Variants in TBX20 observed in about 807,000 individuals in gnomAD.
TBX20 encodes the protein T-box transcription factor TBX20.
Under a neutral mutation model 42.9 loss-of-function variants are expected in TBX20, and 8 were observed. The observed-to-expected ratio is 0.19, with a 90% CI of 0.11 to 0.34. The LOEUF (loss-of-function observed/expected upper bound fraction) is 0.34, where lower values mean the gene tolerates loss of function less well. TBX20 is among the 10% of genes least tolerant of loss of function. The pLI, the probability that TBX20 is intolerant of heterozygous loss-of-function variation, is 1.00. For synonymous variants in TBX20, 198 were observed against 222.8 expected, an observed-to-expected ratio of 0.89 and a Z score of 0.99; for missense variants, 411 against 566.0, an observed-to-expected ratio of 0.73 and a Z score of 2.78.
intron 5 of TBX20, among the ~76,000 whole-genome samples, chr7:35,239,120 C>CA (rs1402738796): frequency 1.3e-5 from 2 of 152,016 alleles, no homozygotes; most frequent in Non-Finnish European, 1.5e-5. Flanking sequence ...GAAATCTACT[C>CA]AAAGTTGTAT....
In TBX20 at chr7:35,225,255, C is replaced by T. The variant is rs1195876191; in HGVS notation, c.890+6249G>A. Reference sequence around the variant, plus strand: ...CTCCAAAAATCTCTCTAGTGTTTTCCAATAAAAATGTAATGTGAGTCACAT... The same window carrying T: ...CTCCAAAAATCTCTCTAGTGTTTTCTAATAAAAATGTAATGTGAGTCACAT... On this transcript the variant is annotated intron_variant, in intron 6 of 7. Transcript: ENST00000408931. Among the ~76,000 whole-genome samples, 7 of 151,794 alleles carry T rather than the reference C, an allele frequency of 4.6e-5. No individual in the cohort carries two copies. In the East Asian group the frequency reaches 1.3e-3, roughly 29 times the overall value.
At chr7:35,204,818 T>TC (rs988745893) in intron 6 of TBX20, among the ~76,000 whole-genome samples, 1 of 151,948 alleles carries the variant, frequency 6.6e-6, no homozygotes, top group African/African-American at 2.4e-5. Context: ...ACAAGGACAA[T>TC]CCCCTGAAAT....
chr7:35,213,877 C>CAGA (rs1789537672), intron 6 of TBX20, among the ~76,000 whole-genome samples: 1 of 59,772 alleles, frequency 1.7e-5, no homozygotes, highest in Non-Finnish European at 3.0e-5. Context: ...GCAGAGATAG[C>CAGA]AAAAAAAAAA....
At chr7:35,229,363 T>A (rs1393260804) in intron 6 of TBX20, among the ~76,000 whole-genome samples, 1 of 152,124 alleles carries the variant, frequency 6.6e-6, no homozygotes, top group African/African-American at 2.4e-5. Flanking sequence ...TTTCTTTAGG[T>A]CTCTAAAGAT....
intron 6 of TBX20, among the ~76,000 whole-genome samples, chr7:35,207,292 T>C (rs946837297): frequency 5.3e-5 from 8 of 152,228 alleles, no homozygotes; most frequent in African/African-American, 1.9e-4. Context: ...CTGTGCTTAT[T>C]TGCTTCCATA....
At chr7:35,239,202 T>A (rs1050666799) in intron 5 of TBX20, among the ~76,000 whole-genome samples, 3 of 152,176 alleles carry the variant, frequency 2.0e-5, no homozygotes, top group African/African-American at 7.2e-5. Flanking sequence ...TCCAGGCTTC[T>A]ACTACCTCAT....
At chr7:35,224,809 A>G (rs1438444340) in intron 6 of TBX20, among the ~76,000 whole-genome samples, 1 of 152,188 alleles carries the variant, frequency 6.6e-6, no homozygotes, top group Non-Finnish European at 1.5e-5. Flanking sequence ...TATAAATTCA[A>G]TTAATGTTAA....
intron 6 of TBX20, among the ~76,000 whole-genome samples, chr7:35,210,714 T>A (rs1045838456): frequency 2.3e-4 from 35 of 152,194 alleles, no homozygotes; most frequent in African/African-American, 8.4e-4. Context: ...AATACAACTC[T>A]TAAGTTTTTC....
Position 35,241,006 on chromosome 7 carries a change from G to T in TBX20, c.686C>A (p.Pro229Gln). 1.9e-6 allele frequency: 3 copies of T among 1,613,772 alleles called. No individual in the cohort carries two copies. The highest frequency in any genetic ancestry group is 2.5e-6 in the Non-Finnish European group (3 of 1,179,760). The stretch of plus-strand genomic sequence containing the variant: ...TTTCTTCTTAATGATGTGCACCCTT[G>T]GCTGGTACTTATGCATTGAGTTCAA... ...IILNSMHKYQ[P>Q]RVHIIKKKDH... Residue 229 changes from proline to glutamine, a missense_variant, in exon 5 of 8, where the codon CCA (proline) becomes CAA (glutamine). Coordinates refer to ENST00000408931, the MANE Select transcript of TBX20 (RefSeq NM_001077653.2).
Position 35,250,220 on chromosome 7 carries a change from T to C in TBX20, c.128-17A>G, listed in dbSNP as rs1790278898. On this transcript the variant is annotated splice_polypyrimidine_tract_variant and intron_variant, in intron 1 of 7. Transcript: ENST00000408931. The stretch of plus-strand genomic sequence containing the variant: ...CAAATTGCTCTGGAGGTAAAGAGAA[T>C]TGTGAATGACAGCTGACACTGTTCA... 6.2e-7 allele frequency: 1 copy of C among 1,613,850 alleles called. No homozygotes were observed. The highest frequency in any genetic ancestry group is 8.5e-7 in the Non-Finnish European group (1 of 1,179,956).
At chr7:35,242,108 T>G (rs1790094655) in intron 4 of TBX20, among the ~76,000 whole-genome samples, 1 of 152,170 alleles carries the variant, frequency 6.6e-6, no homozygotes, top group South Asian at 2.1e-4. Context: ...CTGCTAGTCA[T>G]GCAACTGATG....
chr7:35,224,982 T>C (rs1413465236), intron 6 of TBX20, among the ~76,000 whole-genome samples: 7 of 151,828 alleles, frequency 4.6e-5, no homozygotes, highest in African/African-American at 1.7e-4. Flanking sequence ...TTTCAATCAG[T>C]GTAATAAAAC....
intron 6 of TBX20, among the ~76,000 whole-genome samples, chr7:35,218,016 G>A (rs545780798): frequency 2.0e-5 from 3 of 152,218 alleles, no homozygotes; most frequent in East Asian, 3.9e-4. Flanking sequence ...CATTGCGCCC[G>A]GCCCAAAAGC....
At chr7:35,203,416 A>G (rs183527622) in intron 7 of TBX20, among the ~76,000 whole-genome samples, 132 of 152,028 alleles carry the variant, frequency 8.7e-4, no homozygotes, top group Non-Finnish European at 1.5e-3. Context: ...AGACAGCAAG[A>G]CCAACCCCTC....
At chr7:35,250,986 C>T (rs1450196341) in intron 1 of TBX20, among the ~76,000 whole-genome samples, 1 of 152,134 alleles carries the variant, frequency 6.6e-6, no homozygotes, top group Non-Finnish European at 1.5e-5. Flanking sequence ...CCAGAAAGGT[C>T]CTAGAAGTGA....
At chr7:35,239,921 T>G (rs1485511075) in intron 5 of TBX20, among the ~76,000 whole-genome samples, 1 of 151,960 alleles carries the variant, frequency 6.6e-6, no homozygotes, top group Non-Finnish European at 1.5e-5. Context: ...CCAGCTAATT[T>G]TTGTATTTTT....
chr7:35,245,124 T>C (rs539064414), intron 3 of TBX20, 67 bp from the exon 4 acceptor site: 12 of 1,196,234 alleles, frequency 1.0e-5, no homozygotes, highest in East Asian at 7.5e-5. Flanking sequence ...GGTTATAAAA[T>C]GTTCTAATTC....
chr7:35,211,784 A>C (rs1461342181), intron 6 of TBX20, among the ~76,000 whole-genome samples: 2 of 152,150 alleles, frequency 1.3e-5, no homozygotes, highest in African/African-American at 4.8e-5. Flanking sequence ...GTTTCTAATG[A>C]GAAATCTGTA....
intron 6 of TBX20, among the ~76,000 whole-genome samples, chr7:35,219,181 T>C (rs1359588891): frequency 6.6e-6 from 1 of 152,132 alleles, no homozygotes; most frequent in Non-Finnish European, 1.5e-5. Flanking sequence ...GTGACTCCTC[T>C]TACAGAATGT....
Sources: allele counts gnomAD v4.1 joint callset (sites outside exome capture counted in the v4.1 genomes callset), GRCh38; gene constraint gnomAD v4.1.1; transcripts MANE v1.5; gene names NCBI Gene and HGNC (gene_info 2026-07-23, HGNC 2026-07-21).